Variants in MCF2 observed in about 807,000 individuals in gnomAD.
MCF2 encodes MCF.2 cell line derived transforming sequence, also known as proto-oncogene DBL.
A neutral mutation model predicts 82.5 loss-of-function variants in MCF2; 44 were observed. That is an observed-to-expected ratio of 0.53 (90% CI 0.42 to 0.69). MCF2 has a LOEUF of 0.69. Ranked by LOEUF, MCF2 falls within the 30% of genes least tolerant of loss-of-function variation. The pLI, the probability that MCF2 is intolerant of heterozygous loss-of-function variation, is 0.00. For synonymous variants in MCF2, 217 were observed against 224.9 expected (o/e 0.96, Z 0.32); for missense variants, 623 against 663.1 (o/e 0.94, Z 0.66).
intron 17 of MCF2, among the ~76,000 whole-genome samples, 162 bp downstream of exon 21, chrX:139,598,244 A>C (rs947449015): frequency 1.8e-5 from 2 of 112,289 alleles, no homozygotes; most frequent in African/African-American, 6.4e-5. Context: ...TTGTAGCCAC[A>C]GTGAATTGAT....
At chrX:139,691,804 G>T in intron 1 of MCF2, 2 of 584,785 alleles carry the variant, frequency 3.4e-6, no homozygotes, top group South Asian at 2.7e-5. Context: ...CGCGGGGAGG[G>T]GTGTGGACTG....
chrX:139,616,171 T>C, intron 9 of MCF2, 111 bp downstream of exon 12: 1 of 377,300 alleles, frequency 2.7e-6, no homozygotes, highest in Non-Finnish European at 4.5e-6. Context: ...GAGGACAATG[T>C]AAGTGCAATT....
intron 1 of MCF2, among the ~76,000 whole-genome samples, chrX:139,664,033 C>A (rs189482826): frequency 9.1e-6 from 1 of 109,635 alleles, no homozygotes; most frequent in East Asian, 2.9e-4. Context: ...GAGGCAGAGT[C>A]TCTCTCTGTC....
intron 1 of MCF2, among the ~76,000 whole-genome samples, chrX:139,700,797 G>C (rs1211668923): frequency 8.9e-6 from 1 of 112,155 alleles, no homozygotes; most frequent in East Asian, 2.8e-4. Flanking sequence ...ATTTTTGGAA[G>C]GTCAAAAGTA....
At chrX:139,584,794 A>G (rs1233467570) in intron 24 of MCF2, among the ~76,000 whole-genome samples, 2 of 112,012 alleles carry the variant, frequency 1.8e-5, no homozygotes, top group South Asian at 3.8e-4. Flanking sequence ...GTGAAGCTCT[A>G]CTAAAGATAA....
intron 1 of MCF2, among the ~76,000 whole-genome samples, chrX:139,692,620 G>A (rs1767521864): frequency 8.9e-6 from 1 of 111,828 alleles, no homozygotes; most frequent in African/African-American, 3.2e-5. Flanking sequence ...GTGGTGGGAG[G>A]AGACAGCCCA....
intron 1 of MCF2, among the ~76,000 whole-genome samples, chrX:139,656,800 T>G (rs961720031): frequency 1.2e-4 from 13 of 112,298 alleles, no homozygotes; most frequent in Admixed American, 2.8e-4. Context: ...AACAAATAAT[T>G]TATACTGTTC....
chrX:139,645,503 C>A (rs1569380533), upstream of MCF2: 9 of 666,790 alleles, frequency 1.3e-5, no homozygotes, highest in South Asian at 1.8e-4. Context: ...ATCTATACCT[C>A]CCAAAACAGA....
At chrX:139,703,332 T>C (rs1249530862) in intron 1 of MCF2, among the ~76,000 whole-genome samples, 1 of 111,295 alleles carries the variant, frequency 9.0e-6, no homozygotes, top group Non-Finnish European at 1.9e-5. Context: ...TAGCAAAGTA[T>C]AGTGGAATTG....
At chrX:139,624,169 G>C (rs1168695617) in intron 6 of MCF2, among the ~76,000 whole-genome samples, 1 of 111,367 alleles carries the variant, frequency 9.0e-6, no homozygotes, top group Non-Finnish European at 1.9e-5. Context: ...TGGTATTCTA[G>C]CTGGTCATAT....
chrX:139,685,501 GT>G (rs1167772233), intron 1 of MCF2, among the ~76,000 whole-genome samples: 1 of 110,940 alleles, frequency 9.0e-6, no homozygotes, highest in Non-Finnish European at 1.9e-5. Context: ...CCCCAGTCAT[GT>G]ACCCCCTGCT....
At chrX:139,646,474 G>A (rs1168266518), upstream of MCF2, among the ~76,000 whole-genome samples, 1 of 111,548 alleles carries the variant, frequency 9.0e-6, no homozygotes, top group Non-Finnish European at 1.9e-5. Context: ...ACTCACTCTT[G>A]GCTGGTAATA....
chrX:139,609,440 T>G (rs1182808601), intron 11 of MCF2, among the ~76,000 whole-genome samples: 1 of 111,090 alleles, frequency 9.0e-6, no homozygotes, highest in Non-Finnish European at 1.9e-5. Flanking sequence ...TCTAAGATAC[T>G]CAGGAGCCTG....
exon 3 of MCF2, chrX:139,631,432 A>G: frequency 1.7e-6 from 2 of 1,205,939 alleles, no homozygotes. Context: ...GCAGTACTGC[A>G]AGGTGCCGCC....
At chrX:139,659,219 G>C (rs780569500) in intron 1 of MCF2, among the ~76,000 whole-genome samples, 1 of 110,336 alleles carries the variant, frequency 9.1e-6, no homozygotes, top group African/African-American at 3.3e-5. Flanking sequence ...CCTGGGAGGC[G>C]GAGGTTGCAG....
At chrX:139,627,997 G>C (rs1231237402) in intron 4 of MCF2, among the ~76,000 whole-genome samples, 1 of 112,065 alleles carries the variant, frequency 8.9e-6, no homozygotes, top group Admixed American at 9.5e-5. Flanking sequence ...AGAGGCTACA[G>C]AGAAAAGGGA....
exon 17 of MCF2, chrX:139,598,411 A>G: frequency 8.8e-7 from 1 of 1,137,100 alleles, no homozygotes; most frequent in Non-Finnish European, 1.2e-6. Context: ...ATTACCTTCA[A>G]CAATAACTGA....
At chrX:139,706,600 T>C (rs1248966214) in intron 1 of MCF2, among the ~76,000 whole-genome samples, 1 of 109,434 alleles carries the variant, frequency 9.1e-6, no homozygotes, top group Non-Finnish European at 1.9e-5. Context: ...AAAAAACAAC[T>C]ATTGGGTACT....
At chrX:139,645,617 C>T (rs898048730), upstream of MCF2, 14 of 1,203,384 alleles carry the variant, frequency 1.2e-5, no homozygotes, top group Middle Eastern at 2.3e-4. Flanking sequence ...ATCCAATCTT[C>T]GATCCAGAAT....
Sources: allele counts gnomAD v4.1 joint callset (sites outside exome capture counted in the v4.1 genomes callset), GRCh38; gene constraint gnomAD v4.1.1; transcripts MANE v1.5; gene names NCBI Gene and HGNC (gene_info 2026-07-23, HGNC 2026-07-21).